Variants in ARHGAP26 observed in about 807,000 individuals in gnomAD.
ARHGAP26 encodes Rho GTPase activating protein 26.
ARHGAP26 carries 38 observed loss-of-function variants against 104.8 expected under a neutral mutation model. That is an observed-to-expected ratio of 0.36 (90% CI 0.28 to 0.48). The LOEUF (loss-of-function observed/expected upper bound fraction) is 0.48, where lower values mean the gene tolerates loss of function less well. Ranked by LOEUF, ARHGAP26 falls within the 20% of genes least tolerant of loss-of-function variation. The pLI, the probability that ARHGAP26 is intolerant of heterozygous loss-of-function variation, is 0.99. For missense variants in ARHGAP26, 704 were observed against 947.9 expected (o/e 0.74, Z 3.38); for synonymous variants, 341 against 340.0 (o/e 1.00, Z -0.03).
intron 20 of ARHGAP26, among the ~76,000 whole-genome samples, chr5:143,197,166 G>C (rs1230851853): frequency 6.6e-6 from 1 of 151,802 alleles, no homozygotes; most frequent in South Asian, 2.1e-4. Context: ...CAAATAATTT[G>C]CTCTACACAT....
At chr5:143,196,385 C>G (rs748708036) in intron 20 of ARHGAP26, among the ~76,000 whole-genome samples, 2 of 152,130 alleles carry the variant, frequency 1.3e-5, no homozygotes, top group African/African-American at 4.8e-5. Flanking sequence ...ACTGCAAACA[C>G]GGAATTACTG....
intron 17 of ARHGAP26, among the ~76,000 whole-genome samples, chr5:143,118,777 C>T (rs1023056347): frequency 1.4e-5 from 2 of 147,132 alleles, no homozygotes; most frequent in Non-Finnish European, 3.0e-5. Flanking sequence ...GATCACACAC[C>T]GGGGACTGTT....
At chr5:142,815,119 G>A (rs1017503248) in intron 1 of ARHGAP26, among the ~76,000 whole-genome samples, 1 of 152,216 alleles carries the variant, frequency 6.6e-6, no homozygotes, top group Admixed American at 6.5e-5. Flanking sequence ...CCCTGCCTCA[G>A]CCTCCCAAGT....
At chr5:142,815,370 C>CTATATA (rs1032472539) in intron 1 of ARHGAP26, among the ~76,000 whole-genome samples, 162 of 152,268 alleles carry the variant, frequency 1.1e-3, no homozygotes, top group African/African-American at 3.6e-3. Flanking sequence ...GCTTGCTTTT[C>CTATATA]TATTTCTATT....
At chr5:143,106,762 T>G (rs1562437544) in intron 17 of ARHGAP26, among the ~76,000 whole-genome samples, 1 of 152,134 alleles carries the variant, frequency 6.6e-6, no homozygotes, top group East Asian at 1.9e-4. Flanking sequence ...CATGAGCCAC[T>G]GCACCCAGCC....
At chr5:142,882,681 T>C (rs1757173276) in intron 4 of ARHGAP26, among the ~76,000 whole-genome samples, 1 of 152,242 alleles carries the variant, frequency 6.6e-6, no homozygotes, top group Non-Finnish European at 1.5e-5. Flanking sequence ...CCACCATTGC[T>C]GACATTTATT....
At chr5:142,972,866 C>CT (rs140809131) in intron 11 of ARHGAP26, among the ~76,000 whole-genome samples, 3,799 of 147,214 alleles carry the variant, frequency 0.026, 118 homozygotes, top group African/African-American at 0.077. Flanking sequence ...GACCTTTATT[C>CT]TTTTTTTTTT....
chr5:143,213,107 T>G (rs548664611), intron 21 of ARHGAP26, among the ~76,000 whole-genome samples: 48 of 152,284 alleles, frequency 3.2e-4, no homozygotes, highest in African/African-American at 1.1e-3. Context: ...ATCGCACCAC[T>G]GCACTCCAGC....
chr5:142,800,529 AT>A (rs1304751595), intron 1 of ARHGAP26, among the ~76,000 whole-genome samples: 2 of 151,754 alleles, frequency 1.3e-5, no homozygotes, highest in Non-Finnish European at 2.9e-5. Context: ...CGCTCAGCTA[AT>A]TTTTGTATTT....
chr5:142,940,064 T>C (rs545054367), intron 11 of ARHGAP26, among the ~76,000 whole-genome samples: 1 of 152,362 alleles, frequency 6.6e-6, no homozygotes, highest in Admixed American at 6.5e-5. Context: ...GTGTGAACTT[T>C]CAGGATATGA....
At chr5:142,912,636 C>G (rs1247190699) in intron 9 of ARHGAP26, among the ~76,000 whole-genome samples, 1 of 152,098 alleles carries the variant, frequency 6.6e-6, no homozygotes, top group East Asian at 1.9e-4. Flanking sequence ...GCCCAGGAGA[C>G]AAAAGTAAGC....
chr5:142,987,585 G>A (rs1337857550), intron 11 of ARHGAP26, among the ~76,000 whole-genome samples: 1 of 152,142 alleles, frequency 6.6e-6, no homozygotes, highest in Non-Finnish European at 1.5e-5. Context: ...GTTTTCAAAG[G>A]GAATGCTTCC....
chr5:142,965,913 G>A (rs912775062), intron 11 of ARHGAP26, among the ~76,000 whole-genome samples: 6 of 152,146 alleles, frequency 3.9e-5, no homozygotes, highest in African/African-American at 1.2e-4. Context: ...TAGTTGGAGC[G>A]TTGTGTTTTA....
At chr5:143,170,554 G>A (rs1186328379) in intron 20 of ARHGAP26, 1 of 152,234 alleles carries the variant, frequency 6.6e-6, no homozygotes, top group African/African-American at 2.4e-5. Flanking sequence ...GTCTCCATGA[G>A]CTATGGTGAT....
At chr5:142,787,084 C>A (rs1350279648) in intron 1 of ARHGAP26, among the ~76,000 whole-genome samples, 1 of 152,184 alleles carries the variant, frequency 6.6e-6, no homozygotes, top group Non-Finnish European at 1.5e-5. Context: ...TCCTGTTATA[C>A]TTCCTGTGTT....
chr5:143,149,411 T>C lies in ARHGAP26; in HGVS notation c.1988+2030T>C, dbSNP rs9324907. On this transcript the variant is annotated intron_variant, in intron 20 of 22. Transcript: ENST00000645722. ...TACCAGCGTCTGCCATGGCCCTGAG[T>C]GAGAGCCATGTCAAAGTCCCCCATA... Among the ~76,000 whole-genome samples the C allele has an allele frequency of 5.5e-3, 842 of 152,110 alleles. 6 individuals carry two copies. Among genetic ancestry groups the C allele is most frequent in the African/African-American group, 0.019 (795 of 41,496 alleles).
chr5:142,989,585 A>G (rs1261382843), intron 11 of ARHGAP26, among the ~76,000 whole-genome samples: 2 of 152,150 alleles, frequency 1.3e-5, no homozygotes, highest in Non-Finnish European at 2.9e-5. Context: ...GGTCTTTACA[A>G]TTTGGCATGT....
intron 11 of ARHGAP26, among the ~76,000 whole-genome samples, chr5:143,011,592 C>CTT (rs1778765478): frequency 6.6e-6 from 1 of 152,116 alleles, no homozygotes. Context: ...CTATGCCCTT[C>CTT]CTCAATAGCC....
At chr5:142,879,502 G>T in intron 4 of ARHGAP26, 57 bp downstream of exon 4, 2 of 1,439,728 alleles carry the variant, frequency 1.4e-6, no homozygotes, top group South Asian at 1.3e-5. Flanking sequence ...GGAAAACATA[G>T]CACCTTTCTT....
Sources: gnomAD v4.1 joint callset for allele counts (sites outside exome capture counted in the v4.1 genomes callset) on GRCh38, gnomAD v4.1.1 for gene constraint, MANE v1.5 for transcripts, NCBI Gene and HGNC (gene_info 2026-07-23, HGNC 2026-07-21) for gene names.